ZNF568: variants seen among roughly 807,000 people sequenced by gnomAD.
ZNF568 encodes p53 inhibitor of SCO2 activation.
In ZNF568, 11 loss-of-function variants were observed where a neutral mutation model predicts 18.1. That is an observed-to-expected ratio of 0.61 (90% CI 0.38 to 1.00). The LOEUF (loss-of-function observed/expected upper bound fraction) is 1.00, where lower values mean the gene tolerates loss of function less well. ZNF568 is among the 50% of genes least tolerant of loss of function. The probability of loss-of-function intolerance (pLI) is 0.01; values close to 1 mark genes in which losing one functional copy is unlikely to be tolerated. For missense variants in ZNF568, 639 were observed against 768.2 expected (o/e 0.83, Z 1.99); for synonymous variants, 213 against 246.6 (o/e 0.86, Z 1.28).
In ZNF568 at chr19:36,952,681, T is replaced by G. The variant is rs826304; in HGVS notation, c.*1593T>G. The G allele has an allele frequency of 0.33, 186,887 of 574,616 alleles. 30,915 individuals are homozygous for G. The highest frequency in any genetic ancestry group is 0.41 in the African/African-American group (19,778 of 48,814). 35.6% of individuals were successfully genotyped at this position (574,616 alleles called of 1,614,324 possible). A position where few individuals can be genotyped will look rare whatever the true frequency, so the allele number is the denominator to read the frequency against. ...AGCTTTGCTTGTAGTTTTTATACCT[T>G]AAAAAGACTGGTAGCATATAAAATA... On this transcript the variant is annotated 3_prime_UTR_variant, in exon 7 of 7. Transcript: ENST00000333987.
intron 2 of ZNF568, among the ~76,000 whole-genome samples, chr19:36,985,176 C>T (rs1469303222): frequency 6.6e-6 from 1 of 152,078 alleles, no homozygotes; most frequent in African/African-American, 2.4e-5. Flanking sequence ...AGTAATTTTT[C>T]TCTTCAGAGA....
chr19:36,954,572 C>CTTT, downstream of ZNF568, among the ~76,000 whole-genome samples: 1 of 143,098 alleles, frequency 7.0e-6, no homozygotes, highest in African/African-American at 2.6e-5. Context: ...TATGTGTAAA[C>CTTT]TTTTTTTTTT....
chr19:36,944,256 G>A (rs1378794832), intron 6 of ZNF568, among the ~76,000 whole-genome samples: 3 of 151,830 alleles, frequency 2.0e-5, no homozygotes, highest in African/African-American at 7.3e-5. Flanking sequence ...AAATTAGTTG[G>A]GCGTGGTGGT....
chr19:36,960,110 C>CTTTTTT lies in ZNF568; in HGVS notation c.359-14293_359-14288dup, dbSNP rs34588591. Among the ~76,000 whole-genome samples the CTTTTTT allele has an allele frequency of 4.6e-3, 407 of 87,670 alleles. 12 individuals are homozygous for CTTTTTT. Among genetic ancestry groups the CTTTTTT allele is most frequent in the Non-Finnish European group, 6.8e-3 (314 of 46,152 alleles). 57.5% of individuals were successfully genotyped at this position (87,670 alleles called of 152,430 possible). On this transcript the variant is annotated intron_variant, in intron 6 of 7. Transcript: ENST00000427117. ...AGAGTGTTAATTTGTAATTGTTCTA[C>CTTTTTT]TTTTTTTTTTTTTTTTTTTTTTGAG...
chr19:36,991,449 TTG>T, intron 3 of ZNF568: 1 of 1,137,706 alleles, frequency 8.8e-7, no homozygotes, highest in Non-Finnish European at 1.2e-6. Flanking sequence ...AAAGAATGGT[TTG>T]TCTCTTGTGA....
chr19:36,989,004 C>T (rs2074400511), intron 2 of ZNF568, among the ~76,000 whole-genome samples: 1 of 152,134 alleles, frequency 6.6e-6, no homozygotes, highest in Admixed American at 6.5e-5. Context: ...TTTTGTACCC[C>T]CACCCCGTCT....
At chr19:36,948,850 G>A (rs1019280360) in intron 6 of ZNF568, among the ~76,000 whole-genome samples, 1 of 151,950 alleles carries the variant, frequency 6.6e-6, no homozygotes, top group Non-Finnish European at 1.5e-5. Context: ...TCCTTGCCTT[G>A]TGCTTGTTTA....
At chr19:36,985,833 A>G in intron 2 of ZNF568, among the ~76,000 whole-genome samples, 1 of 152,138 alleles carries the variant, frequency 6.6e-6, no homozygotes, top group Non-Finnish European at 1.5e-5. Context: ...ATTTTTTTTT[A>G]AATTTGATTT....
At chr19:36,997,586 C>G (rs755472145), downstream of ZNF568, 1 of 1,570,192 alleles carries the variant, frequency 6.4e-7, no homozygotes, top group Non-Finnish European at 8.6e-7. Context: ...GGTGGTGGCT[C>G]AGAACTTAGT....
At chr19:36,997,517 A>G, downstream of ZNF568, 1 of 1,588,710 alleles carries the variant, frequency 6.3e-7, no homozygotes, top group Non-Finnish European at 8.5e-7. Flanking sequence ...CTCACACATC[A>G]TGAGAGAAGT....
intron 6 of ZNF568, among the ~76,000 whole-genome samples, chr19:36,968,896 C>T (rs918772468): frequency 1.3e-5 from 2 of 151,770 alleles, no homozygotes; most frequent in East Asian, 1.9e-4. Flanking sequence ...TGCTCTGTCC[C>T]CCAGGCAAGA....
intron 3 of ZNF568, 108 bp from the exon 4 acceptor site, chr19:36,925,092 C>G: frequency 2.2e-6 from 2 of 905,966 alleles, no homozygotes; most frequent in East Asian, 4.9e-5. Flanking sequence ...CTTATTGCTT[C>G]AAGGATCATT....
intron 4 of ZNF568, among the ~76,000 whole-genome samples, chr19:36,994,982 TTG>T (rs1226174840): frequency 1.3e-5 from 2 of 152,210 alleles, no homozygotes; most frequent in African/African-American, 4.8e-5. Context: ...GTTACAATTT[TTG>T]TCTTAAAGTT....
rs750572193 is a variant in ZNF568, at chr19:36,922,739, T to C, written c.-32T>C. On this transcript the variant is annotated 5_prime_UTR_variant, in exon 3 of 7. Coordinates refer to ENST00000333987, the MANE Select transcript of ZNF568 (RefSeq NM_198539.4). ...ACCCTGGAGTTGCTGGAGCTTGTCT[T>C]GACCCTTCTGCCCAGAGCAGGCAGG... is the stretch of plus-strand genomic sequence containing the variant. The C allele has an allele frequency of 6.2e-7, 1 of 1,607,592 alleles. No individual in the cohort carries two copies.
intron 3 of ZNF568, among the ~76,000 whole-genome samples, chr19:36,924,632 C>T (rs998739670): frequency 8.0e-5 from 12 of 150,212 alleles, no homozygotes; most frequent in Non-Finnish European, 8.9e-5. Context: ...AGTTCGAAAC[C>T]AGCCTGGCCA....
intron 6 of ZNF568, among the ~76,000 whole-genome samples, chr19:36,938,919 T>G (rs1404222226): frequency 2.6e-5 from 4 of 152,220 alleles, no homozygotes; most frequent in Admixed American, 6.5e-5. Context: ...TTCCTTGAAA[T>G]GTCGTCATAT....
chr19:36,926,526 T>G (rs2073557173), intron 4 of ZNF568, among the ~76,000 whole-genome samples: 1 of 152,198 alleles, frequency 6.6e-6, no homozygotes, highest in Non-Finnish European at 1.5e-5. Flanking sequence ...CTCAGTTACA[T>G]CATCTGTAAG....
At chr19:36,978,810 G>A (rs967398850) in intron 7 of ZNF568, among the ~76,000 whole-genome samples, 4 of 151,904 alleles carry the variant, frequency 2.6e-5, no homozygotes, top group Admixed American at 6.6e-5. Flanking sequence ...TATCTCATGC[G>A]TCCATTGTGC....
chr19:36,963,702 C>T (rs2074172041), intron 6 of ZNF568, among the ~76,000 whole-genome samples: 1 of 152,116 alleles, frequency 6.6e-6, no homozygotes, highest in African/African-American at 2.4e-5. Context: ...GGCACAGTGG[C>T]TCACAGCTGT....
Sources: allele counts gnomAD v4.1 joint callset (sites outside exome capture counted in the v4.1 genomes callset), GRCh38; gene constraint gnomAD v4.1.1; transcripts MANE v1.5; gene names NCBI Gene and HGNC (gene_info 2026-07-23, HGNC 2026-07-21).